The following EHBP1 variants were observed in gnomAD, a reference collection of about 807,000 sequenced individuals.
EHBP1 encodes the protein EH domain binding protein 1.
A neutral mutation model predicts 144.0 loss-of-function variants in EHBP1; 55 were observed. The ratio of observed to expected loss-of-function variants is 0.38; its 90% CI spans 0.31 to 0.48. EHBP1 has a LOEUF of 0.48. Ranked by LOEUF, EHBP1 falls within the 20% of genes least tolerant of loss-of-function variation. The probability of loss-of-function intolerance (pLI) is 0.98; values close to 1 mark genes in which losing one functional copy is unlikely to be tolerated. For missense variants in EHBP1, 1,200 were observed against 1,364.2 expected (o/e 0.88, Z 1.90); for synonymous variants, 469 against 472.7 (o/e 0.99, Z 0.10).
At chr2:62,764,585 CAT>C (rs2041027916) in intron 4 of EHBP1, among the ~76,000 whole-genome samples, 1 of 152,052 alleles carries the variant, frequency 6.6e-6, no homozygotes. Context: ...GATCAGCTGA[CAT>C]AGTTCTTTTA....
At chr2:62,790,306 T>A (rs951069360) in intron 5 of EHBP1, among the ~76,000 whole-genome samples, 2 of 152,294 alleles carry the variant, frequency 1.3e-5, no homozygotes, top group African/African-American at 4.8e-5. Context: ...GTTTGTTTTG[T>A]TTTGTTTTTT....
intron 10 of EHBP1, among the ~76,000 whole-genome samples, chr2:62,936,179 T>A (rs1409222710): frequency 6.6e-6 from 1 of 152,042 alleles, no homozygotes; most frequent in Non-Finnish European, 1.5e-5. Context: ...ATATTGGAGA[T>A]TTTTTTTCCT....
chr2:62,778,541 CAA>C (rs955575672), intron 5 of EHBP1, among the ~76,000 whole-genome samples: 35 of 81,446 alleles, frequency 4.3e-4, no homozygotes, highest in Admixed American at 4.2e-4. Context: ...GAGACCCTGT[CAA>C]AAAAAAAAAA....
At chr2:62,695,617 G>A (rs762439009) in intron 1 of EHBP1, among the ~76,000 whole-genome samples, 60 of 152,164 alleles carry the variant, frequency 3.9e-4, no homozygotes, top group Non-Finnish European at 1.2e-4. Context: ...TAGATGGAAA[G>A]CTTTTAGATA....
Position 62,874,512 on chromosome 2 carries a change from G to A in EHBP1, c.1165G>A (p.Asp389Asn). ...TGAAAACACAGTTTCTGCAGGAAAA[G>A]ATCTCTCTACTTCTCCTAAGGTAGG... is the stretch of plus-strand genomic sequence containing the variant. ...LNENTVSAGK[D>N]LSTSPKPSPI... Residue 389 changes from aspartate (D) to asparagine (N), a missense_variant, in exon 10 of 23, where the codon GAT becomes AAT. Asp to Asn is a conservative substitution (Grantham distance 23). Transcript: ENST00000431489. The A allele has an allele frequency of 6.2e-7, 1 of 1,604,266 alleles. No individual in the cohort carries two copies. Among genetic ancestry groups the A allele is most frequent in the Non-Finnish European group, 8.5e-7 (1 of 1,175,922 alleles).
intron 5 of EHBP1, among the ~76,000 whole-genome samples, chr2:62,820,591 T>A (rs952172014): frequency 6.6e-6 from 1 of 151,546 alleles, no homozygotes; most frequent in Admixed American, 6.6e-5. Flanking sequence ...ATAAGTAGAA[T>A]CATATAATAT....
At chr2:63,026,744 A>G (rs1473733028) in intron 19 of EHBP1, among the ~76,000 whole-genome samples, 1 of 152,168 alleles carries the variant, frequency 6.6e-6, no homozygotes, top group Admixed American at 6.6e-5. Context: ...TTTCTGTAAG[A>G]AATCATATAC....
chr2:62,943,307 C>T (rs949346323), intron 11 of EHBP1, among the ~76,000 whole-genome samples: 1 of 136,346 alleles, frequency 7.3e-6, no homozygotes, highest in Non-Finnish European at 1.5e-5. Context: ...ACCCAGGAGG[C>T]AGAGGTTGCG....
At chr2:62,995,682 AT>A (rs1015932682) in intron 18 of EHBP1, among the ~76,000 whole-genome samples, 1 of 152,024 alleles carries the variant, frequency 6.6e-6, no homozygotes, top group Admixed American at 6.6e-5. Flanking sequence ...GTTCTTCAAT[AT>A]TTCTTAGCTA....
intron 9 of EHBP1, among the ~76,000 whole-genome samples, chr2:62,870,733 A>AT (rs2050401677): frequency 1.1e-4 from 17 of 147,914 alleles, no homozygotes; most frequent in African/African-American, 3.5e-4. Context: ...AAAAAAAAAA[A>AT]AATACATATA....
chr2:62,819,730 C>T (rs1352507066), intron 5 of EHBP1, among the ~76,000 whole-genome samples: 1 of 151,300 alleles, frequency 6.6e-6, no homozygotes, highest in Non-Finnish European at 1.5e-5. Context: ...TGCCATTGCA[C>T]TCCAGCCTGG....
chr2:62,876,558 G>T (rs142596122), intron 10 of EHBP1, among the ~76,000 whole-genome samples: 8 of 152,248 alleles, frequency 5.3e-5, no homozygotes, highest in African/African-American at 1.9e-4. Flanking sequence ...GTATTAGTCT[G>T]TTCTCACATT....
At chr2:63,037,252 C>A (rs1300906425) in intron 19 of EHBP1, among the ~76,000 whole-genome samples, 2 of 151,784 alleles carry the variant, frequency 1.3e-5, no homozygotes, top group South Asian at 4.1e-4. Context: ...AGCAAGTCAG[C>A]CTCTAGGGAG....
intron 20 of EHBP1, 44 bp from the exon 21 acceptor site, chr2:63,038,699 G>A: frequency 6.5e-7 from 1 of 1,549,986 alleles, no homozygotes; most frequent in Non-Finnish European, 8.9e-7. Flanking sequence ...AGTTTTTAAT[G>A]ATTTAGTAAT....
At chr2:62,882,507 C>G (rs1413365208) in intron 10 of EHBP1, among the ~76,000 whole-genome samples, 1 of 152,200 alleles carries the variant, frequency 6.6e-6, no homozygotes, top group Non-Finnish European at 1.5e-5. Context: ...TCTCTAGTCC[C>G]TCATTGCCTA....
At position 62,727,609 on chromosome 2, in the gene EHBP1, A is replaced by T. The variant is rs150872197; in HGVS notation, c.105-19786A>T. Among the ~76,000 whole-genome samples the T allele has an allele frequency of 2.6e-3, 398 of 152,294 alleles. 2 individuals carry two copies. Among genetic ancestry groups the T allele is most frequent in the African/African-American group, 9.1e-3 (379 of 41,566 alleles). On this transcript the variant is annotated intron_variant, in intron 2 of 22. Coordinates refer to ENST00000431489, the MANE Select transcript of EHBP1 (RefSeq NM_001142616.3). ...ACTTAGCATTATGGTTTCAAGGTTCATCCATGTGTAACAAATGTCAATACT... is the reference window on the plus strand; with the variant it reads ...ACTTAGCATTATGGTTTCAAGGTTCTTCCATGTGTAACAAATGTCAATACT...
At chr2:63,042,860 G>A (rs991462707) in intron 21 of EHBP1, among the ~76,000 whole-genome samples, 13 of 151,678 alleles carry the variant, frequency 8.6e-5, no homozygotes, top group Non-Finnish European at 1.6e-4. Flanking sequence ...TGTTTTCTTG[G>A]TTTAATTTTT....
At chr2:62,834,387 A>T (rs1255996514) in intron 7 of EHBP1, among the ~76,000 whole-genome samples, 1 of 152,224 alleles carries the variant, frequency 6.6e-6, no homozygotes, top group African/African-American at 2.4e-5. Context: ...AATGGCAACA[A>T]GTATTTTAAG....
At chr2:62,709,887 T>C (rs1446870137) in intron 2 of EHBP1, among the ~76,000 whole-genome samples, 1 of 152,146 alleles carries the variant, frequency 6.6e-6, no homozygotes, top group Non-Finnish European at 1.5e-5. Context: ...GAATGTCTTT[T>C]TTTCATTTGA....
Sources: allele counts gnomAD v4.1 joint callset (sites outside exome capture counted in the v4.1 genomes callset), GRCh38; gene constraint gnomAD v4.1.1; transcripts MANE v1.5; gene names NCBI Gene and HGNC (gene_info 2026-07-23, HGNC 2026-07-21).